The following SLC19A1 variants were observed in gnomAD, a reference collection of about 807,000 sequenced individuals.
SLC19A1 encodes the protein solute carrier family 19 member 1.
In SLC19A1, 37 loss-of-function variants were observed where a neutral mutation model predicts 35.3. The ratio of observed to expected loss-of-function variants is 1.05; its 90% CI spans 0.81 to 1.38. The LOEUF is 1.38. SLC19A1 is among the 40% of genes most tolerant of loss of function. The pLI is 0.00. For synonymous variants in SLC19A1, 460 were observed against 398.5 expected (o/e 1.15, Z -1.84); for missense variants, 831 against 826.9 (o/e 1.00, Z -0.06).
Position 45,530,904 on chromosome 21 carries a change from G to A in SLC19A1, c.1017C>T (p.Ile339=), listed in dbSNP as rs1015454082. ...IRWARWSKLL[I]AGVTATQAGL... ...CCGCCTGCGTGGCCGTGACGCCCGC[G>A]ATGAGCAGCTTGGACCAGCGCGCCC... Residue 339 remains isoleucine, a synonymous_variant, in exon 4 of 6, where the codon ATC becomes ATT. Transcript: ENST00000311124. This position sits in a 1 kb window ranked among gnomAD's most constrained non-coding sequence, Gnocchi z 5.3. The A allele has an allele frequency of 6.1e-6, 9 of 1,479,980 alleles. No homozygotes were observed. The highest frequency in any genetic ancestry group is 7.2e-6 in the Non-Finnish European group (8 of 1,117,676). 91.7% of individuals were successfully genotyped at this position (1,479,980 alleles called of 1,614,324 possible).
chr21:45,527,326 G>T (rs2077663364), intron 4 of SLC19A1, among the ~76,000 whole-genome samples: 1 of 150,284 alleles, frequency 6.7e-6, no homozygotes, highest in South Asian at 2.1e-4. Context: ...GTGGCAGCGG[G>T]CAGGGTGGGC....
chr21:45,525,720 C>T, intron 5 of SLC19A1, 97 bp downstream of exon 5: 3 of 1,420,452 alleles, frequency 2.1e-6, no homozygotes, highest in Non-Finnish European at 2.9e-6. Context: ...GCCCCCAGCC[C>T]ACAGTGGGCT....
intron 3 of SLC19A1, chr21:45,502,897 C>G (rs2036938825): frequency 6.6e-6 from 1 of 152,220 alleles, no homozygotes; most frequent in South Asian, 2.1e-4. Context: ...TGCAGGTGAA[C>G]TCTCAGGATG....
rs2077597066 is a variant in SLC19A1 at position 45,525,885 on chromosome 21, T to G, written c.1225A>C (p.Ile409Leu). 6.2e-7 allele frequency: 1 copy of G among 1,613,550 alleles called. No homozygotes were observed. Among genetic ancestry groups the G allele is most frequent in the African/African-American group, 1.3e-5 (1 of 74,934 alleles). ...VFGVNTFFAT[I>L]VKTIITFIVS... ...ATGAAAGTGATGATGGTCTTGACGA[T>G]GGTGGCAAAGAACGTGTTGACCCCG... The change falls in exon 5 of 6, where the codon ATC (isoleucine) becomes CTC (leucine). Residue 409 changes from isoleucine to leucine, a missense_variant. Coordinates refer to ENST00000311124, the MANE Select transcript of SLC19A1 (RefSeq NM_194255.4).
At chr21:45,539,290 G>A (rs769172942) in intron 1 of SLC19A1, among the ~76,000 whole-genome samples, 31 of 152,248 alleles carry the variant, frequency 2.0e-4, no homozygotes, top group Admixed American at 1.3e-3. Flanking sequence ...CAGAGTGCAC[G>A]TGGAAAGGCC....
chr21:45,504,568 C>T (rs1043069230), intron 3 of SLC19A1: 3 of 1,565,318 alleles, frequency 1.9e-6, no homozygotes, highest in South Asian at 1.2e-5. Flanking sequence ...TAAGTCCCAG[C>T]CTGTGCAGGC....
intron 1 of SLC19A1, among the ~76,000 whole-genome samples, chr21:45,551,058 C>A (rs1488031957): frequency 6.6e-6 from 1 of 151,502 alleles, no homozygotes; most frequent in South Asian, 2.1e-4. Flanking sequence ...CTTCACAGTC[C>A]CAGCTACGCC....
chr21:45,535,700 C>A (rs1298039062), intron 2 of SLC19A1, among the ~76,000 whole-genome samples: 2 of 152,228 alleles, frequency 1.3e-5, no homozygotes, highest in Non-Finnish European at 2.9e-5. Flanking sequence ...AGCTCGTGCT[C>A]TACCTGCAGC....
downstream of SLC19A1, chr21:45,512,313 G>A: frequency 1.9e-6 from 3 of 1,612,524 alleles, no homozygotes; most frequent in Non-Finnish European, 2.5e-6. Flanking sequence ...CTGGGGGGCA[G>A]GCTCCTGGGG....
downstream of SLC19A1, among the ~76,000 whole-genome samples, chr21:45,508,587 G>C (rs996225053): frequency 1.3e-5 from 2 of 152,118 alleles, no homozygotes; most frequent in Admixed American, 6.5e-5. Flanking sequence ...AGCTGCTGTC[G>C]GCCCCTCCTT....
Position 45,515,298 on chromosome 21 carries a change from C to G in SLC19A1, c.*360G>C. 1 of 1,472,114 alleles carries G rather than the reference C, an allele frequency of 6.8e-7. No individual in the cohort carries two copies. 91.2% of individuals were successfully genotyped at this position (1,472,114 alleles called of 1,614,324 possible). A position where few individuals can be genotyped will look rare whatever the true frequency, so the allele number is the denominator to read the frequency against. ...CACAACTCCTGTGGGGCCAGTGTCCCCTGAGCTGGTATCCAAGAGGCCACT... is the reference window on the plus strand; with the variant it reads ...CACAACTCCTGTGGGGCCAGTGTCCGCTGAGCTGGTATCCAAGAGGCCACT... On this transcript the variant is annotated 3_prime_UTR_variant, in exon 6 of 6. Transcript: ENST00000311124.
At chr21:45,503,229 C>T (rs1198731609) in intron 3 of SLC19A1, among the ~76,000 whole-genome samples, 8 of 152,142 alleles carry the variant, frequency 5.3e-5, no homozygotes, top group Non-Finnish European at 1.0e-4. Context: ...CTCTCCGGCA[C>T]CTGTTGTTTC....
rs562728157 is a variant in SLC19A1 at position 45,557,349 on chromosome 21, G to A, written c.-50+5393C>T. ...GTCCCCGGCTTTGACCCCGTAGCCC[G>A]TGCCACATTCTCCTGAGGCTTCTCG... On this transcript the variant is annotated intron_variant, in intron 1 of 5. Coordinates refer to the SLC19A1 transcript ENST00000650808. Among the ~76,000 whole-genome samples the A allele has an allele frequency of 4.6e-5, 7 of 152,308 alleles. No homozygotes were observed. The South Asian group carries it at 8.3e-4, about 18-fold the overall frequency.
upstream of SLC19A1, chr21:45,544,108 CG>C (rs1276433372): frequency 1.3e-5 from 2 of 152,380 alleles, no homozygotes; most frequent in African/African-American, 4.8e-5. Context: ...AAGGGGACCC[CG>C]CAGGACCCAC....
Position 45,515,937 on chromosome 21 carries a change from G to A in SLC19A1, c.1497C>T (p.Ser499=), listed in dbSNP as rs779290190. 13 of 1,539,726 alleles carry A rather than the reference G, an allele frequency of 8.4e-6. No individual in the cohort carries two copies. The Admixed American group carries it at 2.3e-4, about 27-fold the overall frequency. The change falls in exon 6 of 6, where the codon AGC becomes AGT. Residue 499 remains serine (S), a synonymous_variant. Coordinates refer to ENST00000311124, the MANE Select transcript of SLC19A1 (RefSeq NM_194255.4). ...KGLGGLQPAQ[S]PPLSPEDSLG... is the part of the protein sequence containing the mutation. ...GGCTGTCTTCTGGGGAAAGCGGCGG[G>A]CTCTGGGCTGGCTGCAGGCCTCCGA...
At chr21:45,509,645 G>A (rs1035617713), downstream of SLC19A1, 34 of 1,029,122 alleles carry the variant, frequency 3.3e-5, no homozygotes, top group East Asian at 2.3e-4. Context: ...CTAGCCCCTC[G>A]GCTCTCGGCA....
Position 45,536,200 on chromosome 21 carries a change from T to A in SLC19A1, c.189+1571A>T, listed in dbSNP as rs370282532. ...ATATCCAAGGCCTGGTGGAATGGCT[T>A]AATTTCTGGAATCTACTTTTTAATC... On this transcript the variant is annotated intron_variant, in intron 2 of 5. Transcript: ENST00000311124. The A allele has an allele frequency of 3.2e-5, 5 of 157,328 alleles. No individual in the cohort carries two copies. The East Asian group carries it at 7.0e-4, about 22-fold the overall frequency. 9.7% of individuals were successfully genotyped at this position (157,328 alleles called of 1,614,324 possible).
chr21:45,520,849 C>T (rs9975958), intron 5 of SLC19A1, among the ~76,000 whole-genome samples: 1,939 of 151,910 alleles, frequency 0.013, 36 homozygotes, highest in African/African-American at 0.043. Flanking sequence ...GGAGAAACCC[C>T]GTCTCTACTA....
chr21:45,554,479 GCGC>G (rs2146502091), intron 1 of SLC19A1, among the ~76,000 whole-genome samples: 1 of 2,198 alleles, frequency 4.5e-4, no homozygotes, highest in African/African-American at 1.6e-3. Flanking sequence ...CCAATCCCCC[GCGC>G]CCCCCTCCCA....
Sources: gnomAD v4.1 joint callset for allele counts (sites outside exome capture counted in the v4.1 genomes callset) on GRCh38, gnomAD v4.1.1 for gene constraint, Gnocchi (gnomAD v3.1) non-coding constraint, MANE v1.5 for transcripts, NCBI Gene and HGNC (gene_info 2026-07-23, HGNC 2026-07-21) for gene names.